LRRC4C: variants seen among roughly 807,000 people sequenced by gnomAD.
LRRC4C encodes leucine-rich repeat-containing protein 4C.
Under a neutral mutation model 33.6 loss-of-function variants are expected in LRRC4C, and 5 were observed. That is an observed-to-expected ratio of 0.15 (90% CI 0.08 to 0.31). The LOEUF is 0.31. Among genes scored for constraint, LRRC4C ranks in the 10% least tolerant of loss-of-function variants. The pLI, the probability that LRRC4C is intolerant of heterozygous loss-of-function variation, is 1.00. For synonymous variants in LRRC4C, 329 were observed against 302.0 expected, an observed-to-expected ratio of 1.09 and a Z score of -0.93; for missense variants, 560 against 796.7, an observed-to-expected ratio of 0.70 and a Z score of 3.58.
chr11:40,330,138 G>A (rs998667750), intron 3 of LRRC4C, among the ~76,000 whole-genome samples: 1 of 152,098 alleles, frequency 6.6e-6, no homozygotes, highest in African/African-American at 2.4e-5. Context: ...GTCAAATTAT[G>A]AATCTATAAA....
chr11:40,567,730 G>A (rs1161179350), intron 3 of LRRC4C, among the ~76,000 whole-genome samples: 1 of 152,180 alleles, frequency 6.6e-6, no homozygotes, highest in African/African-American at 2.4e-5. Flanking sequence ...TCTGCTAAGA[G>A]TCAGATAAGA....
At chr11:40,647,354 CT>C (rs550059423) in intron 3 of LRRC4C, among the ~76,000 whole-genome samples, 12 of 151,614 alleles carry the variant, frequency 7.9e-5, no homozygotes, top group Non-Finnish European at 1.5e-4. Context: ...ATAATTTGAT[CT>C]TTTTTTTTCC....
chr11:40,442,845 T>C (rs546165406), intron 3 of LRRC4C, among the ~76,000 whole-genome samples: 23 of 152,256 alleles, frequency 1.5e-4, no homozygotes, highest in African/African-American at 5.5e-4. Context: ...TGAGAGGGGG[T>C]TAGATGACCA....
intron 3 of LRRC4C, among the ~76,000 whole-genome samples, chr11:40,432,525 A>C (rs1950975824): frequency 1.3e-5 from 2 of 152,232 alleles, no homozygotes; most frequent in African/African-American, 4.8e-5. Flanking sequence ...TCCGAAAACT[A>C]CTTGTTACTT....
chr11:40,835,521 C>T (rs559952930), intron 2 of LRRC4C, among the ~76,000 whole-genome samples: 7 of 152,094 alleles, frequency 4.6e-5, no homozygotes, highest in East Asian at 3.9e-4. Context: ...CACACATGAC[C>T]GTTACACAGA....
chr11:40,585,751 C>T (rs1958703283), intron 3 of LRRC4C, among the ~76,000 whole-genome samples: 1 of 141,084 alleles, frequency 7.1e-6, no homozygotes, highest in African/African-American at 2.6e-5. Context: ...CGATAGTTTA[C>T]TGAGAATGAT....
At chr11:40,253,203 C>A (rs1327459764) in intron 4 of LRRC4C, among the ~76,000 whole-genome samples, 3 of 152,170 alleles carry the variant, frequency 2.0e-5, no homozygotes, top group Non-Finnish European at 2.9e-5. Flanking sequence ...AAGGTTACTT[C>A]TGGACTAAGA....
At chr11:40,841,614 A>G (rs572291631) in intron 2 of LRRC4C, among the ~76,000 whole-genome samples, 1 of 152,344 alleles carries the variant, frequency 6.6e-6, no homozygotes, top group South Asian at 2.1e-4. Flanking sequence ...CAGAAACTGA[A>G]TCTGCTGTCA....
intron 1 of LRRC4C, among the ~76,000 whole-genome samples, chr11:41,381,138 C>T (rs7935693): frequency 0.012 from 1,847 of 152,150 alleles, 39 homozygotes; most frequent in African/African-American, 0.042. Flanking sequence ...GAGAAACACA[C>T]TTCTAACCTA....
intron 3 of LRRC4C, among the ~76,000 whole-genome samples, chr11:40,439,097 A>AT (rs200541047): frequency 0.031 from 4,145 of 134,660 alleles, 146 homozygotes; most frequent in African/African-American, 0.087. Context: ...CCCCCAGCTA[A>AT]TTTTTTTTTT....
At chr11:40,275,820 T>C (rs575143786) in intron 4 of LRRC4C, among the ~76,000 whole-genome samples, 257 of 152,272 alleles carry the variant, frequency 1.7e-3, no homozygotes, top group Non-Finnish European at 2.8e-3. Flanking sequence ...GTGAAGAACA[T>C]TCTTTCAATC....
At chr11:41,304,540 C>G (rs542333747) in intron 1 of LRRC4C, among the ~76,000 whole-genome samples, 6 of 108,426 alleles carry the variant, frequency 5.5e-5, no homozygotes, top group South Asian at 3.6e-4. Context: ...ATCAGCCCCC[C>G]GCCCGGCCAG....
intron 2 of LRRC4C, among the ~76,000 whole-genome samples, chr11:40,794,058 GT>G (rs1950727486): frequency 6.6e-6 from 1 of 151,844 alleles, no homozygotes; most frequent in Non-Finnish European, 1.5e-5. Context: ...GATCTCTGAT[GT>G]GAAAAAAAAC....
At chr11:40,522,167 GCA>G (rs1218591885) in intron 3 of LRRC4C, among the ~76,000 whole-genome samples, 1 of 152,152 alleles carries the variant, frequency 6.6e-6, no homozygotes, top group East Asian at 1.9e-4. Context: ...GGGATTAAAA[GCA>G]CATGCCACCA....
At chr11:40,946,578 C>T (rs1298299997) in intron 1 of LRRC4C, among the ~76,000 whole-genome samples, 3 of 152,156 alleles carry the variant, frequency 2.0e-5, no homozygotes, top group Non-Finnish European at 4.4e-5. Flanking sequence ...CCCTTTTCTC[C>T]ACAGCCTTGC....
chr11:40,495,300 G>T (rs925750224), intron 3 of LRRC4C, among the ~76,000 whole-genome samples: 2 of 151,754 alleles, frequency 1.3e-5, no homozygotes, highest in African/African-American at 4.8e-5. Context: ...CGCCCCCCCC[G>T]CCAGAAAAAA....
At chr11:41,204,502 A>G (rs1946520771) in intron 1 of LRRC4C, among the ~76,000 whole-genome samples, 1 of 151,612 alleles carries the variant, frequency 6.6e-6, no homozygotes, top group Admixed American at 6.6e-5. Context: ...TGACTTAGAT[A>G]GAGACACTGC....
At chr11:40,566,456 A>G (rs759913686) in intron 3 of LRRC4C, among the ~76,000 whole-genome samples, 18 of 152,108 alleles carry the variant, frequency 1.2e-4, no homozygotes, top group Non-Finnish European at 1.9e-4. Context: ...ATCTTTAATA[A>G]TAGAGGGTGA....
intron 1 of LRRC4C, among the ~76,000 whole-genome samples, chr11:41,141,897 C>T (rs190396737): frequency 6.6e-6 from 1 of 151,604 alleles, no homozygotes. Flanking sequence ...AATTTAGGTA[C>T]AATATGAGGT....
Sources: allele counts gnomAD v4.1 joint callset (sites outside exome capture counted in the v4.1 genomes callset), GRCh38; gene constraint gnomAD v4.1.1; transcripts MANE v1.5; gene names NCBI Gene and HGNC (gene_info 2026-07-23, HGNC 2026-07-21).